Variants in LAMB3 observed in about 807,000 individuals in gnomAD.
The protein encoded by LAMB3 is laminin subunit beta 3.
A neutral mutation model predicts 140.3 loss-of-function variants in LAMB3; 104 were observed. The observed-to-expected ratio is 0.74, with a 90% confidence interval of 0.63 to 0.87. The LOEUF is 0.87. Ranked by LOEUF, LAMB3 falls within the 40% of genes least tolerant of loss-of-function variation. The pLI is 0.00. For synonymous variants in LAMB3, 592 were observed against 602.9 expected, an observed-to-expected ratio of 0.98 and a Z score of 0.26; for missense variants, 1,531 against 1,575.2, an observed-to-expected ratio of 0.97 and a Z score of 0.47.
intron 3 of LAMB3, among the ~76,000 whole-genome samples, chr1:209,647,679 G>A (rs1041225747): frequency 7.9e-5 from 12 of 152,078 alleles, no homozygotes; most frequent in Non-Finnish European, 1.5e-4. Context: ...CATTGCATTC[G>A]GCCAGCCTCA....
At chr1:209,615,453 C>T in intron 22 of LAMB3, 46 bp from the exon 23 acceptor site, 1 of 1,544,928 alleles carries the variant, frequency 6.5e-7, no homozygotes, top group Non-Finnish European at 8.7e-7. Context: ...GATGGTGAGA[C>T]TCCCCAAGAC....
At chr1:209,641,082 CAAA>C (rs61080331) in intron 3 of LAMB3, among the ~76,000 whole-genome samples, 1 of 101,416 alleles carries the variant, frequency 9.9e-6, no homozygotes, top group Non-Finnish European at 2.1e-5. Flanking sequence ...GACTCTGTCT[CAAA>C]AAAAAAAAAA....
intron 3 of LAMB3, among the ~76,000 whole-genome samples, chr1:209,642,069 G>A (rs1034099512): frequency 6.6e-6 from 1 of 152,136 alleles, no homozygotes; most frequent in South Asian, 2.1e-4. Context: ...ATGGGACAAG[G>A]AGCTGGAGAC....
chr1:209,649,785 C>T (rs2076548690), intron 3 of LAMB3, among the ~76,000 whole-genome samples, 179 bp downstream of exon 3: 1 of 152,236 alleles, frequency 6.6e-6, no homozygotes, highest in African/African-American at 2.4e-5. Context: ...TCTTGCCCAA[C>T]CAACAGGTAA....
At chr1:209,629,530 G>T (rs768846262) in intron 10 of LAMB3, among the ~76,000 whole-genome samples, 2 of 152,070 alleles carry the variant, frequency 1.3e-5, no homozygotes, top group African/African-American at 2.4e-5. Context: ...ACTCTTGATT[G>T]ATTGTCTGAT....
At position 209,650,203 on chromosome 1, in the gene LAMB3, A is replaced by G. The variant is rs562758508; in HGVS notation, c.29-85T>C. ...CCCAGTATCTTTCAGGGAAGCTGAC[A>G]TTAGCAAGATTATATCCTTTCCCTC... is the stretch of plus-strand genomic sequence containing the variant. On this transcript the variant is annotated intron_variant, in intron 2 of 22. Coordinates refer to ENST00000356082, the MANE Select transcript of LAMB3 (RefSeq NM_000228.3). The G allele has an allele frequency of 1.4e-5, 19 of 1,334,556 alleles. 1 individual carries two copies. In the South Asian group the frequency reaches 2.4e-4, roughly 17 times the overall value. 82.7% of individuals were successfully genotyped at this position (1,334,556 alleles called of 1,614,324 possible).
chr1:209,617,621 G>T (rs1232797872), intron 20 of LAMB3, 35 bp from the exon 21 acceptor site: 2 of 1,610,426 alleles, frequency 1.2e-6, no homozygotes, highest in Admixed American at 1.7e-5. Context: ...CCTTTGTGGT[G>T]GGTCTCATAG....
intron 21 of LAMB3, among the ~76,000 whole-genome samples, chr1:209,617,075 T>C (rs148299179): frequency 1.3e-5 from 2 of 152,314 alleles, no homozygotes; most frequent in African/African-American, 4.8e-5. Flanking sequence ...AGAGCATCTG[T>C]CCAGGCTGGG....
In LAMB3 at chr1:209,623,871, C is replaced by T. The variant is rs2102416249; in HGVS notation, c.2106G>A (p.Gln702=). 6.2e-7 allele frequency: 1 copy of T among 1,614,222 alleles called. No individual in the cohort carries two copies. The highest frequency in any genetic ancestry group is 8.5e-7 in the Non-Finnish European group (1 of 1,180,040). Residue 702 remains glutamine, a synonymous_variant, in exon 15 of 23, where the codon CAG becomes CAA. Transcript: ENST00000356082. This position sits in a 1 kb window ranked among gnomAD's most constrained non-coding sequence, Gnocchi z 4.2. ...LLTMYQRKRE[Q]FEKISSADPS... is the part of the protein sequence containing the mutation. ...GATCAGCACTGCTTATTTTTTCAAACTGCTCCCTCTTCCTCTGATACATAG... is the reference window on the plus strand; with the variant it reads ...GATCAGCACTGCTTATTTTTTCAAATTGCTCCCTCTTCCTCTGATACATAG...
chr1:209,623,116 G>C lies in LAMB3; in HGVS notation c.2422C>G (p.Gln808Glu), dbSNP rs1666268592. Residue 808 changes from glutamine to glutamate, a missense_variant, in exon 17 of 23, where the codon CAA (glutamine) becomes GAA (glutamate). Coordinates refer to ENST00000356082, the MANE Select transcript of LAMB3 (RefSeq NM_000228.3). The surrounding 1 kb of genome is among the most constrained non-coding windows in gnomAD (Gnocchi z 4.2). ...PISCPGELCP[Q>E]DNGTACGSRC... ...GAGCCACAGGCTGTGCCATTGTCTT[G>C]GGGACATAGCTCACCAGGGCATGAT... The C allele has an allele frequency of 6.2e-7, 1 of 1,614,112 alleles. No individual in the cohort carries two copies. Among genetic ancestry groups the C allele is most frequent in the African/African-American group, 1.3e-5 (1 of 74,938 alleles).
At chr1:209,650,338 G>C (rs1252932437) in intron 2 of LAMB3, among the ~76,000 whole-genome samples, 2 of 152,168 alleles carry the variant, frequency 1.3e-5, no homozygotes, top group African/African-American at 4.8e-5. Flanking sequence ...GAGAAGAGGA[G>C]AAACACTGGC....
At position 209,634,437 on chromosome 1, in the gene LAMB3, C is replaced by T. The variant is rs12410975; in HGVS notation, c.564+10G>A. 0.031 allele frequency: 50,778 copies of T among 1,613,250 alleles called. 2,291 individuals carry two copies. The highest frequency in any genetic ancestry group is 0.25 in the East Asian group (11,075 of 44,818). Reference sequence around the variant, plus strand: ...CCCCAGGCCTACTTTTCAGGATTCCCTCTACCTACCTTCCCCCCATTTAGG... The same window carrying T: ...CCCCAGGCCTACTTTTCAGGATTCCTTCTACCTACCTTCCCCCCATTTAGG... On this transcript the variant is annotated intron_variant, in intron 6 of 22. Transcript: ENST00000356082.
chr1:209,624,780 G>A (rs981011725), intron 14 of LAMB3, among the ~76,000 whole-genome samples: 3 of 152,038 alleles, frequency 2.0e-5, no homozygotes, highest in Admixed American at 6.5e-5. Context: ...CTTCTTGAGC[G>A]CAAAGATTAT....
chr1:209,641,997 C>A (rs1327584829), intron 3 of LAMB3, among the ~76,000 whole-genome samples: 1 of 152,192 alleles, frequency 6.6e-6, no homozygotes, highest in Non-Finnish European at 1.5e-5. Context: ...CTGCTGGGAG[C>A]TGGTCCAGCC....
chr1:209,628,258 C>T (rs984960013), intron 10 of LAMB3, 68 bp from the exon 11 acceptor site: 18 of 1,519,902 alleles, frequency 1.2e-5, no homozygotes, highest in Non-Finnish European at 1.3e-5. Flanking sequence ...ATTCCAGGAG[C>T]CAGGCTGCCT....
intron 17 of LAMB3, 56 bp downstream of exon 17, chr1:209,622,926 G>A: frequency 6.3e-6 from 10 of 1,581,370 alleles, no homozygotes; most frequent in South Asian, 1.1e-5. Flanking sequence ...TTGCCCGGGG[G>A]ATCTATCCTG....
chr1:209,622,933 C>T (rs1283307405), intron 17 of LAMB3, 49 bp downstream of exon 17: 4 of 1,595,622 alleles, frequency 2.5e-6, no homozygotes, highest in Non-Finnish European at 3.4e-6. Flanking sequence ...GGGGATCTAT[C>T]CTGTCTGCCT....
rs762234799 is a variant in LAMB3 at position 209,638,615 on chromosome 1, G to A, written c.217C>T (p.Gln73Ter). ...QMKCCKCDSR[Q>*]PHNYYSHRVE... ...CGGTGACTGTAGTAGTTGTGAGGCT[G>A]CCTGGAGTCACACTTGCAGCATTTC... The change falls in exon 4 of 23, where the codon CAG becomes TAG. Residue 73 changes from glutamine to a stop codon, truncating the protein, a stop_gained. Transcript: ENST00000356082. LOFTEE classifies it high-confidence loss of function. The A allele has an allele frequency of 4.3e-6, 7 of 1,613,852 alleles. No individual in the cohort carries two copies. In the South Asian group the frequency reaches 4.4e-5, roughly 10 times the overall value.
At chr1:209,620,487 G>A (rs756797052) in intron 18 of LAMB3, among the ~76,000 whole-genome samples, 2 of 152,162 alleles carry the variant, frequency 1.3e-5, no homozygotes, top group Non-Finnish European at 2.9e-5. Flanking sequence ...AAAAACATTC[G>A]CAAAGGCAAG....
Sources: allele counts gnomAD v4.1 joint callset (sites outside exome capture counted in the v4.1 genomes callset), GRCh38; gene constraint gnomAD v4.1.1; non-coding constraint Gnocchi (gnomAD v3.1); transcripts MANE v1.5; gene names NCBI Gene and HGNC (gene_info 2026-07-23, HGNC 2026-07-21).